Variants in NCAPH2 observed in about 807,000 individuals in gnomAD.
NCAPH2 encodes the protein non-SMC condensin II complex subunit H2, also known as condensin-2 complex subunit H2.
A neutral mutation model predicts 88.6 loss-of-function variants in NCAPH2; 56 were observed. The ratio of observed to expected loss-of-function variants is 0.63; its 90% CI spans 0.51 to 0.79. The LOEUF is 0.79. Among genes scored for constraint, NCAPH2 ranks in the 30% least tolerant of loss-of-function variants. The pLI is 0.00. For missense variants in NCAPH2, 794 were observed against 792.0 expected, an observed-to-expected ratio of 1.00 and a Z score of -0.03; for synonymous variants, 378 against 313.6, an observed-to-expected ratio of 1.21 and a Z score of -2.17.
rs910583115 is a variant in NCAPH2, at chr22:50,511,285, C to CTTTTTTTT, written c.108+2855_108+2862dup. Among the ~76,000 whole-genome samples the CTTTTTTTT allele has an allele frequency of 7.6e-4, 83 of 109,656 alleles. 13 individuals carry two copies. Among genetic ancestry groups the CTTTTTTTT allele is most frequent in the African/African-American group, 4.2e-3 (83 of 19,786 alleles). 71.9% of individuals were successfully genotyped at this position (109,656 alleles called of 152,430 possible). On this transcript the variant is annotated intron_variant, in intron 1 of 19. Coordinates refer to ENST00000420993, the MANE Select transcript of NCAPH2 (RefSeq NM_152299.4). ...TCAAGCAGTTCTCCTGCCTCAGCCT[C>CTTTTTTTT]TTTTTTTTTTTTTTTTTTTTTTGAG...
rs2068751060 is a variant in NCAPH2, at chr22:50,510,353, A to T, written c.108+1908A>T. On this transcript the variant is annotated intron_variant, in intron 1 of 19. Coordinates refer to ENST00000420993, the MANE Select transcript of NCAPH2 (RefSeq NM_152299.4). ...TGTGCTCAAGCAGTCCTCCTGCCTC[A>T]GCTTCTCAGGTAGCTGGGACTATAG... Among the ~76,000 whole-genome samples, 3 of 151,836 alleles carry T rather than the reference A, an allele frequency of 2.0e-5. No individual in the cohort carries two copies. In the South Asian group the frequency reaches 6.2e-4, roughly 32 times the overall value.
In NCAPH2 at chr22:50,519,410, G is replaced by A. The variant is rs377132370; in HGVS notation, c.861+90G>A. On this transcript the variant is annotated intron_variant, in intron 9 of 19. Coordinates refer to ENST00000420993, the MANE Select transcript of NCAPH2 (RefSeq NM_152299.4). ...AGTCACCTTGCACAAGGAGGACAGT[G>A]GTATGGCCTTGGCCCCAGACCACTG... 29 of 1,550,160 alleles carry A rather than the reference G, an allele frequency of 1.9e-5. No homozygotes were observed. In the African/African-American group the frequency reaches 4.0e-4, roughly 21 times the overall value.
In NCAPH2 at chr22:50,523,935, T is replaced by C. The variant is rs2069204081; in HGVS notation, c.*560T>C. ...CCACAGTGATGAAGACAGGCTGCAC[T>C]GGAGGCAAACCAGGCTCTGCTTCCA... On this transcript the variant is annotated 3_prime_UTR_variant, in exon 20 of 20. Coordinates refer to ENST00000420993, the MANE Select transcript of NCAPH2 (RefSeq NM_152299.4). 1.9e-6 allele frequency: 3 copies of C among 1,612,804 alleles called. No individual in the cohort carries two copies. The highest frequency in any genetic ancestry group is 2.5e-6 in the Non-Finnish European group (3 of 1,179,220).
intron 10 of NCAPH2, 118 bp from the exon 11 acceptor site, chr22:50,521,425 C>T (rs778387291): frequency 8.3e-5 from 67 of 803,092 alleles, no homozygotes; most frequent in Admixed American, 5.8e-4. Context: ...CCTTTGGGAG[C>T]GCGGCTGTGT....
intron 1 of NCAPH2, among the ~76,000 whole-genome samples, chr22:50,513,454 C>G (rs1184575905): frequency 6.6e-6 from 1 of 151,318 alleles, no homozygotes. Flanking sequence ...CGAGGTGGCT[C>G]ACGCCTGTGA....
intron 1 of NCAPH2, among the ~76,000 whole-genome samples, chr22:50,513,485 G>A (rs567995015): frequency 2.0e-5 from 3 of 152,232 alleles, no homozygotes; most frequent in Admixed American, 6.5e-5. Context: ...TAGGGAGGCC[G>A]AGGTGGCTTA....
intron 9 of NCAPH2, chr22:50,519,804 G>A: frequency 1.1e-6 from 1 of 934,290 alleles, no homozygotes; most frequent in Non-Finnish European, 1.3e-6. Context: ...TAGATGGCAT[G>A]GATATTTGTC....
chr22:50,517,596 T>C lies in NCAPH2; in HGVS notation c.286T>C (p.Ser96Pro), dbSNP rs2068961986. The change falls in exon 4 of 20, where the codon TCG becomes CCG. Residue 96 changes from serine to proline, a missense_variant. Coordinates refer to ENST00000420993, the MANE Select transcript of NCAPH2 (RefSeq NM_152299.4). Reference sequence around the variant, plus strand: ...TCTCAGGCGGGCCAAGCAGCTCTCTTCGGTGCAGGAGGACAGGGCCAATGG... The same window carrying C: ...TCTCAGGCGGGCCAAGCAGCTCTCTCCGGTGCAGGAGGACAGGGCCAATGG... ...SGKRRAKQLS[S>P]VQEDRANGVA... is the part of the protein sequence containing the mutation. 1 of 1,614,058 alleles carries C rather than the reference T, an allele frequency of 6.2e-7. No individual in the cohort carries two copies. Among genetic ancestry groups the C allele is most frequent in the Admixed American group, 1.7e-5 (1 of 60,030 alleles).
Position 50,523,796 on chromosome 22 carries a change from G to A in NCAPH2, c.*421G>A, listed in dbSNP as rs748770403. On this transcript the variant is annotated 3_prime_UTR_variant, in exon 20 of 20. Coordinates refer to ENST00000420993, the MANE Select transcript of NCAPH2 (RefSeq NM_152299.4). ...TTGGGGCCTGCATTGTAGTACACGC[G>A]GTAACTGTGACTAGCCTGGGCAACC... The A allele has an allele frequency of 1.6e-5, 26 of 1,614,034 alleles. No homozygotes were observed. The highest frequency in any genetic ancestry group is 2.7e-5 in the African/African-American group (2 of 74,922).
At chr22:50,521,099 C>T (rs2069076000) in intron 10 of NCAPH2, 63 bp downstream of exon 10, 1 of 1,522,208 alleles carries the variant, frequency 6.6e-7, no homozygotes, top group Non-Finnish European at 8.9e-7. Flanking sequence ...GACTGGCTGC[C>T]TGCCCATCAT....
At position 50,518,264 on chromosome 22, in the gene NCAPH2, C is replaced by T. The variant is rs1603441131; in HGVS notation, c.632C>T (p.Pro211Leu). The T allele has an allele frequency of 5.6e-6, 9 of 1,613,110 alleles. No homozygotes were observed. Among genetic ancestry groups the T allele is most frequent in the Non-Finnish European group, 6.8e-6 (8 of 1,179,904 alleles). Residue 211 changes from proline to leucine, a missense_variant, in exon 7 of 20, where the codon CCA becomes CTA. Pro to Leu is a moderately conservative substitution (Grantham distance 98, BLOSUM62 -3). Transcript: ENST00000420993. ...PMEPAGVSPM[P>L]GTQKDTGRTE... The stretch of plus-strand genomic sequence containing the variant: ...GAACCAGCGGGCGTTTCCCCCATGC[C>T]AGGGACCCAGAAGGGTGAGGGCTTG...
intron 1 of NCAPH2, among the ~76,000 whole-genome samples, chr22:50,514,661 TC>T (rs1299164526): frequency 9.8e-5 from 15 of 152,300 alleles, no homozygotes; most frequent in African/African-American, 3.6e-4. Flanking sequence ...CGCCATCTCC[TC>T]CATGTTCCCT....
In NCAPH2 at chr22:50,522,740, A is replaced by ACGGGGAGGGGAGGGG. The variant is rs1569521254; in HGVS notation, c.1425+20_1425+21insCGGGGAGGGGAGGGG. 6 of 1,612,728 alleles carry ACGGGGAGGGGAGGGG rather than the reference A, an allele frequency of 3.7e-6. No individual in the cohort carries two copies. In the South Asian group the frequency reaches 5.5e-5, roughly 15 times the overall value. ...AATGTGGTAGGCCTGGGTTAGAGGGAGACGGGGAGGGGAGGGGGACAGGTG... is the reference window on the plus strand; with the variant it reads ...AATGTGGTAGGCCTGGGTTAGAGGGACGGGGAGGGGAGGGGGACGGGGAGGGGAGGGGGACAGGTG... On this transcript the variant is annotated intron_variant, in intron 17 of 19. Transcript: ENST00000420993.
intron 1 of NCAPH2, among the ~76,000 whole-genome samples, chr22:50,510,164 G>A (rs2148654717): frequency 1.3e-5 from 2 of 152,124 alleles, no homozygotes; most frequent in African/African-American, 2.4e-5. Flanking sequence ...CTCGTGATCC[G>A]CCTGCCTTGG....
chr22:50,515,775 G>A, intron 1 of NCAPH2: 1 of 1,302,956 alleles, frequency 7.7e-7, no homozygotes, highest in Non-Finnish European at 1.0e-6. Flanking sequence ...AAGATGTTGG[G>A]TAAAGTATGG....
At position 50,522,038 on chromosome 22, in the gene NCAPH2, A is replaced by G; in HGVS notation, c.1161A>G (p.Ala387=). The part of the protein sequence containing the change: ...RRLRRKGPSF[A]DMEVLYWTHV... ...TTCGGCGAAAGGGTCCGTCCTTTGC[A>G]GGTGAGGCTGAAGTCCTCGGGGAAG... The change falls in exon 13 of 20, where the codon GCA becomes GCG. Residue 387 remains alanine, a splice_region_variant and synonymous_variant. Transcript: ENST00000420993. The G allele has an allele frequency of 6.2e-7, 1 of 1,614,054 alleles. No homozygotes were observed. Among genetic ancestry groups the G allele is most frequent in the East Asian group, 2.2e-5 (1 of 44,890 alleles).
In NCAPH2 at chr22:50,522,575, T is replaced by C. The variant is rs751879252; in HGVS notation, c.1375+6T>C. On this transcript the variant is annotated splice_donor_region_variant and intron_variant, in intron 16 of 19. Transcript: ENST00000420993. Reference sequence around the variant, plus strand: ...CAGGGAAGCCGCTGACCTTGGTAGGTGGGCAGCGGGCTAGGAGTGCTGAGG... The same window carrying C: ...CAGGGAAGCCGCTGACCTTGGTAGGCGGGCAGCGGGCTAGGAGTGCTGAGG... The C allele has an allele frequency of 3.1e-6, 5 of 1,613,476 alleles. No homozygotes were observed. In the Admixed American group the frequency reaches 6.7e-5, roughly 22 times the overall value.
intron 1 of NCAPH2, among the ~76,000 whole-genome samples, chr22:50,513,515 T>C (rs774541600): frequency 6.6e-6 from 1 of 152,232 alleles, no homozygotes; most frequent in Non-Finnish European, 1.5e-5. Context: ...TGCTAGCACT[T>C]TGGGAGGCCG....
chr22:50,512,957 T>G (rs890875897), intron 1 of NCAPH2, among the ~76,000 whole-genome samples: 10 of 152,222 alleles, frequency 6.6e-5, no homozygotes, highest in Non-Finnish European at 8.8e-5. Flanking sequence ...GAAAAAATAG[T>G]GCCAAGCAAA....
Sources: gnomAD v4.1 joint callset for allele counts (sites outside exome capture counted in the v4.1 genomes callset) on GRCh38, gnomAD v4.1.1 for gene constraint, MANE v1.5 for transcripts, NCBI Gene and HGNC (gene_info 2026-07-23, HGNC 2026-07-21) for gene names.